The following OR51M1 variants were observed in gnomAD, a reference collection of about 807,000 sequenced individuals.
OR51M1 encodes the protein olfactory receptor 51M1.
For missense variants in OR51M1, 509 were observed against 404.4 expected, an observed-to-expected ratio of 1.26 and a Z score of -2.22; for synonymous variants, 199 against 155.1, an observed-to-expected ratio of 1.28 and a Z score of -2.10.
chr11:5,389,358 A>G, intron 2 of OR51M1, 26 bp from the exon 3 acceptor site: 1 of 1,582,470 alleles, frequency 6.3e-7, no homozygotes, highest in Middle Eastern at 1.7e-4. Flanking sequence ...AAGAATTAAT[A>G]ACCAGAAATA....
At chr11:5,387,072 GTA>G (rs1401856976) in intron 2 of OR51M1, among the ~76,000 whole-genome samples, 4 of 151,904 alleles carry the variant, frequency 2.6e-5, no homozygotes, top group African/African-American at 9.7e-5. Context: ...CACTGTATAA[GTA>G]ATAATAATAA....
chr11:5,390,141 G>T lies in OR51M1; in HGVS notation c.743G>T (p.Arg248Leu). Residue 248 changes from arginine (R) to leucine (L), a missense_variant, in exon 3 of 3, where the codon CGT (arginine) becomes CTT (leucine). Coordinates refer to ENST00000642046, the MANE Select transcript of OR51M1 (RefSeq NM_001004756.3). ...AGLASQEEQR[R>L]AFQTCTAPLC... ...CTGGCCTCCCAAGAGGAGCAGCGCC[G>T]TGCCTTTCAGACATGCACCGCTCCT... 6.2e-7 allele frequency: 1 copy of T among 1,613,784 alleles called. No individual in the cohort carries two copies. The highest frequency in any genetic ancestry group is 8.5e-7 in the Non-Finnish European group (1 of 1,179,848).
chr11:5,384,330 T>C (rs1241938107), intron 1 of OR51M1, among the ~76,000 whole-genome samples: 2 of 152,166 alleles, frequency 1.3e-5, no homozygotes, highest in Non-Finnish European at 2.9e-5. Context: ...AACCACCATA[T>C]ACAGCAGTCT....
At chr11:5,384,751 C>T (rs1387306909) in intron 1 of OR51M1, among the ~76,000 whole-genome samples, 1 of 152,112 alleles carries the variant, frequency 6.6e-6, no homozygotes, top group Non-Finnish European at 1.5e-5. Context: ...TAGAAAAGAC[C>T]CCATCCTCAA....
At chr11:5,388,318 C>T (rs115554695) in intron 2 of OR51M1, among the ~76,000 whole-genome samples, 3,906 of 151,390 alleles carry the variant, frequency 0.026, 162 homozygotes, top group African/African-American at 0.087. Context: ...GACAATGCTG[C>T]AGGGAAAATA....
Position 5,389,403 on chromosome 11 carries a change from C to T in OR51M1, c.5C>T (p.Ser2Leu). The T allele has an allele frequency of 6.2e-7, 1 of 1,610,602 alleles. No homozygotes were observed. Among genetic ancestry groups the T allele is most frequent in the Non-Finnish European group, 8.5e-7 (1 of 1,177,234 alleles). Residue 2 changes from serine (S) to leucine (L), a missense_variant, in exon 3 of 3, where the codon TCA (serine) becomes TTA (leucine). Ser to Leu is a moderately radical substitution (Grantham distance 145). Coordinates refer to ENST00000642046, the MANE Select transcript of OR51M1 (RefSeq NM_001004756.3). ...TTTCAGCTCAATCCCCGAGGAATGT[C>T]AGTCCAATATTCGCTCAGTCCTCAA... M[S>L]VQYSLSPQFM...
intron 2 of OR51M1, among the ~76,000 whole-genome samples, chr11:5,387,174 T>C (rs1460687239): frequency 1.3e-5 from 2 of 152,064 alleles, no homozygotes; most frequent in Non-Finnish European, 2.9e-5. Context: ...AGAGAGTGCA[T>C]AGAAGCTATC....
At chr11:5,389,055 A>T (rs1849748142) in intron 2 of OR51M1, among the ~76,000 whole-genome samples, 1 of 152,202 alleles carries the variant, frequency 6.6e-6, no homozygotes, top group African/African-American at 2.4e-5. Context: ...TATGGATGGT[A>T]AATGAAATCA....
chr11:5,388,986 C>T (rs981911293), intron 2 of OR51M1, among the ~76,000 whole-genome samples: 1 of 151,922 alleles, frequency 6.6e-6, no homozygotes, highest in Admixed American at 6.6e-5. Flanking sequence ...TTGCTAGAGT[C>T]TGGAAATCAA....
Position 5,393,090 on chromosome 11 carries a change from C to A in OR51M1, c.*2711C>A, listed in dbSNP as rs986346007. On this transcript the variant is annotated 3_prime_UTR_variant, in exon 3 of 3. Transcript: ENST00000642046. ...TCTCAGAAATGCCACTTCTAAAAAT[C>A]TGTCCTAAATAAATGATAAATTAAA... is the stretch of plus-strand genomic sequence containing the variant. The A allele has an allele frequency of 1.3e-5, 2 of 152,170 alleles. No individual in the cohort carries two copies. Among genetic ancestry groups the A allele is most frequent in the Non-Finnish European group, 2.9e-5 (2 of 68,030 alleles). 9.4% of individuals were successfully genotyped at this position (152,170 alleles called of 1,614,324 possible). A position where few individuals can be genotyped will look rare whatever the true frequency, so the allele number is the denominator to read the frequency against.
chr11:5,388,032 T>C (rs1482408223), intron 2 of OR51M1, among the ~76,000 whole-genome samples: 1 of 152,154 alleles, frequency 6.6e-6, no homozygotes, highest in South Asian at 2.1e-4. Flanking sequence ...TGCACCAACC[T>C]AATAGAATTA....
In OR51M1 at chr11:5,390,544, T is replaced by A. The variant is rs1490150150; in HGVS notation, c.*165T>A. On this transcript the variant is annotated 3_prime_UTR_variant, in exon 3 of 3. Coordinates refer to ENST00000642046, the MANE Select transcript of OR51M1 (RefSeq NM_001004756.3). ...GAGTTGTGGCTTTAAAAAACTGAACTTCTCTTGCTTAGATTTTAATGGCTC... is the reference window on the plus strand; with the variant it reads ...GAGTTGTGGCTTTAAAAAACTGAACATCTCTTGCTTAGATTTTAATGGCTC... The A allele has an allele frequency of 1.3e-5, 8 of 602,300 alleles. No homozygotes were observed. The highest frequency in any genetic ancestry group is 2.0e-5 in the Non-Finnish European group (7 of 357,464). 37.3% of individuals were successfully genotyped at this position (602,300 alleles called of 1,614,324 possible). A position where few individuals can be genotyped will look rare whatever the true frequency, so the allele number is the denominator to read the frequency against.
At position 5,390,020 on chromosome 11, in the gene OR51M1, A is replaced by T; in HGVS notation, c.622A>T (p.Asn208Tyr). Residue 208 changes from asparagine (N) to tyrosine (Y), a missense_variant, in exon 3 of 3, where the codon AAT becomes TAT. Coordinates refer to ENST00000642046, the MANE Select transcript of OR51M1 (RefSeq NM_001004756.3). Reference sequence around the variant, plus strand: ...GGCCTGCACAGATATCACCTTCAATAATCTGTATGGACTGATGGTGGTAGT... The same window carrying T: ...GGCCTGCACAGATATCACCTTCAATTATCTGTATGGACTGATGGTGGTAGT... Reference protein sequence around the residue: ...QLACTDITFNNLYGLMVVVFT... With the variant: ...QLACTDITFNYLYGLMVVVFT... 1 of 1,613,454 alleles carries T rather than the reference A, an allele frequency of 6.2e-7. No individual in the cohort carries two copies. The highest frequency in any genetic ancestry group is 8.5e-7 in the Non-Finnish European group (1 of 1,179,862).
In OR51M1 at chr11:5,389,661, C is replaced by T. The variant is rs375050550; in HGVS notation, c.263C>T (p.Ser88Phe). 5 of 1,613,602 alleles carry T rather than the reference C, an allele frequency of 3.1e-6. No homozygotes were observed. The highest frequency in any genetic ancestry group is 4.2e-6 in the Non-Finnish European group (5 of 1,179,896). The change falls in exon 3 of 3, where the codon TCC becomes TTC. Residue 88 changes from serine (S) to phenylalanine (F), a missense_variant. Transcript: ENST00000642046. The stretch of plus-strand genomic sequence containing the variant: ...CTCACTGACCTGGGGCTGTGTGTGT[C>T]CACGTTGCCCACCACTATGGGGATC... ...LALTDLGLCVSTLPTTMGIFW... is the reference protein window; with the variant it reads ...LALTDLGLCVFTLPTTMGIFW...
chr11:5,386,850 A>C (rs904034665), intron 2 of OR51M1, among the ~76,000 whole-genome samples: 9 of 152,110 alleles, frequency 5.9e-5, no homozygotes, highest in Non-Finnish European at 1.2e-4. Context: ...CAGCTCAAAA[A>C]TGTTGTCTTG....
chr11:5,387,568 A>C (rs1181215329), intron 2 of OR51M1, among the ~76,000 whole-genome samples: 3 of 152,214 alleles, frequency 2.0e-5, no homozygotes, highest in South Asian at 4.1e-4. Context: ...CGTGACCTGC[A>C]AGATCATACA....
intron 2 of OR51M1, among the ~76,000 whole-genome samples, chr11:5,386,379 G>A (rs1044345426): frequency 3.3e-5 from 5 of 152,044 alleles, no homozygotes; most frequent in Non-Finnish European, 5.9e-5. Flanking sequence ...CCTGATTTTC[G>A]CTCACTACCA....
At chr11:5,389,315 C>G (rs1849751721) in intron 2 of OR51M1, 69 bp from the exon 3 acceptor site, 15 of 1,307,432 alleles carry the variant, frequency 1.1e-5, no homozygotes, top group Non-Finnish European at 1.6e-5. Context: ...GACCATGGTA[C>G]TGCTTGTGAT....
At position 5,391,540 on chromosome 11, in the gene OR51M1, C is replaced by G. The variant is rs1849795376; in HGVS notation, c.*1161C>G. ...AATAAATATTAAATGTATGCGTGGA[C>G]ATATAGATACATAAAGAGGGATCCA... On this transcript the variant is annotated 3_prime_UTR_variant, in exon 3 of 3. Coordinates refer to ENST00000642046, the MANE Select transcript of OR51M1 (RefSeq NM_001004756.3). 6.6e-5 allele frequency: 10 copies of G among 152,310 alleles called. No individual in the cohort carries two copies. The South Asian group carries it at 2.1e-3, about 32-fold the overall frequency. The allele number at this position is 152,310 out of a possible 1,614,324, so 9.4% of individuals were successfully genotyped here.
Sources: allele counts gnomAD v4.1 joint callset (sites outside exome capture counted in the v4.1 genomes callset), GRCh38; gene constraint gnomAD v4.1.1; transcripts MANE v1.5; gene names NCBI Gene and HGNC (gene_info 2026-07-23, HGNC 2026-07-21).